The following RAD51B variants were observed in gnomAD, a reference collection of about 807,000 sequenced individuals.
RAD51B encodes the protein RAD51 paralog B, also known as DNA repair protein RAD51 homolog 2.
A neutral mutation model predicts 42.2 loss-of-function variants in RAD51B; 38 were observed. The observed-to-expected ratio is 0.90, with a 90% CI of 0.70 to 1.18. The LOEUF (loss-of-function observed/expected upper bound fraction) is 1.18. RAD51B is among the 50% of genes most tolerant of loss of function. The pLI is 0.00. For synonymous variants in RAD51B, 154 were observed against 145.2 expected (o/e 1.06, Z -0.43); for missense variants, 373 against 400.7 (o/e 0.93, Z 0.59).
At chr14:68,049,370 A>C (rs1025574869) in intron 7 of RAD51B, among the ~76,000 whole-genome samples, 1 of 152,224 alleles carries the variant, frequency 6.6e-6, no homozygotes, top group Admixed American at 6.5e-5. Context: ...ATATATATAC[A>C]TATGTATAAA....
chr14:67,898,967 C>CT (rs568311106), intron 7 of RAD51B, among the ~76,000 whole-genome samples: 1 of 152,014 alleles, frequency 6.6e-6, no homozygotes, highest in South Asian at 2.1e-4. Context: ...TTTCCTACCC[C>CT]TTTTTTGACT....
At chr14:68,186,699 A>G (rs973307898) in intron 7 of RAD51B, among the ~76,000 whole-genome samples, 2 of 152,206 alleles carry the variant, frequency 1.3e-5, no homozygotes, top group Non-Finnish European at 2.9e-5. Context: ...GGCTGCTATT[A>G]AAAAGCCAAA....
intron 7 of RAD51B, among the ~76,000 whole-genome samples, chr14:68,233,502 T>C (rs2080187388): frequency 6.6e-6 from 1 of 152,242 alleles, no homozygotes; most frequent in Admixed American, 6.5e-5. Context: ...TCTTCTGCTT[T>C]ATTCATTCAA....
At chr14:68,548,601 T>C (rs937172592) in intron 10 of RAD51B, among the ~76,000 whole-genome samples, 2 of 152,184 alleles carry the variant, frequency 1.3e-5, no homozygotes, top group African/African-American at 2.4e-5. Context: ...CCTGACTTCT[T>C]GGGGTCTTGG....
At chr14:67,940,054 A>ATATATATTT (rs2045136393) in intron 7 of RAD51B, among the ~76,000 whole-genome samples, 1 of 14,546 alleles carries the variant, frequency 6.9e-5, no homozygotes, top group African/African-American at 2.3e-4. Context: ...ATATATATAT[A>ATATATATTT]TTTTTTTTTT....
rs202147813 is a variant in RAD51B at position 68,602,514 on chromosome 14, ATAGCTAGC to A, written c.1037-8488_1037-8481del. Among the ~76,000 whole-genome samples, 731 of 108,798 alleles carry A rather than the reference ATAGCTAGC, an allele frequency of 6.7e-3. 4 individuals are homozygous for A. Among genetic ancestry groups the A allele is most frequent in the African/African-American group, 0.018 (596 of 32,852 alleles). 71.4% of individuals were successfully genotyped at this position (108,798 alleles called of 152,430 possible). ...GATGGATGGATGGATAGCTAGATAG[ATAGCTAGC>A]TAGATAGATAGATAGATAGATAGAT... is the stretch of plus-strand genomic sequence containing the variant. On this transcript the variant is annotated intron_variant, in intron 10 of 10. Transcript: ENST00000487861.
intron 9 of RAD51B, among the ~76,000 whole-genome samples, chr14:68,461,330 T>TGG (rs2085839192): frequency 1.5e-5 from 1 of 64,550 alleles, no homozygotes; most frequent in Admixed American, 2.0e-4. Flanking sequence ...GCAATATCCA[T>TGG]GCAGGGAAAA....
At chr14:67,831,065 C>CGG (rs1555403494) in intron 3 of RAD51B, among the ~76,000 whole-genome samples, 1 of 151,084 alleles carries the variant, frequency 6.6e-6, no homozygotes, top group Non-Finnish European at 1.5e-5. Flanking sequence ...TTAGTAGAGA[C>CGG]GGTTTCAGCA....
intron 4 of RAD51B, among the ~76,000 whole-genome samples, chr14:67,837,143 GCACA>G (rs1018514123): frequency 6.6e-6 from 1 of 151,274 alleles, no homozygotes; most frequent in Admixed American, 6.6e-5. Context: ...TAATAAAAAT[GCACA>G]CACACACATA....
intron 7 of RAD51B, among the ~76,000 whole-genome samples, chr14:67,911,875 C>T (rs527628898): frequency 6.6e-6 from 1 of 152,194 alleles, no homozygotes; most frequent in East Asian, 1.9e-4. Context: ...GTTCCAGAAC[C>T]ATTACTGTCT....
intron 5 of RAD51B, among the ~76,000 whole-genome samples, chr14:67,877,659 G>A (rs1329413736): frequency 6.6e-6 from 1 of 152,092 alleles, no homozygotes; most frequent in Non-Finnish European, 1.5e-5. Flanking sequence ...CTTTATTGAA[G>A]AGAAATTTAT....
rs1460685569 is a variant in RAD51B, at chr14:68,090,948, G to A, written c.757-200936G>A. The stretch of plus-strand genomic sequence containing the variant: ...TTCCCACCTATGAGTGAGAACATGC[G>A]GTGTTTGGTTTTTTGTCCTTGTGAT... On this transcript the variant is annotated intron_variant, in intron 7 of 10. Transcript: ENST00000471583. 1.0e-4 allele frequency among the ~76,000 whole-genome samples: 15 copies of A among 146,440 alleles called. No homozygotes were observed. In the Admixed American group the frequency reaches 1.1e-3, roughly 10 times the overall value.
downstream of RAD51B, among the ~76,000 whole-genome samples, chr14:68,612,406 CTGCTATCCTTCCTCT>C (rs1391818828): frequency 5.9e-5 from 9 of 152,236 alleles, no homozygotes; most frequent in Non-Finnish European, 1.0e-4. Flanking sequence ...ACTCCAGAAT[CTGCTATCCTTCCTCT>C]TGCTATCCTT....
intron 11 of RAD51B, among the ~76,000 whole-genome samples, chr14:68,666,895 T>C (rs1893042935): frequency 1.3e-5 from 2 of 152,232 alleles, no homozygotes; most frequent in Admixed American, 1.3e-4. Context: ...GATATGGATA[T>C]ACATATGTAG....
intron 7 of RAD51B, among the ~76,000 whole-genome samples, chr14:68,095,844 C>T (rs1472599594): frequency 6.6e-6 from 1 of 151,752 alleles, no homozygotes; most frequent in Non-Finnish European, 1.5e-5. Context: ...GGCGTGGTGG[C>T]GGGCGCCTGG....
chr14:68,129,200 T>G lies in RAD51B; in HGVS notation c.757-162684T>G, dbSNP rs184566025. Among the ~76,000 whole-genome samples the G allele has an allele frequency of 2.0e-4, 31 of 152,306 alleles. No homozygotes were observed. In the South Asian group the frequency reaches 4.6e-3, roughly 22 times the overall value. On this transcript the variant is annotated intron_variant, in intron 7 of 10. Coordinates refer to ENST00000471583, the MANE Select transcript of RAD51B (RefSeq NM_133510.4). ...AGCCTAAACTAGAACCTAGGTCTCTTGGCTGCTTGTTCAAGCCTCTTTCTA... is the reference window on the plus strand; with the variant it reads ...AGCCTAAACTAGAACCTAGGTCTCTGGGCTGCTTGTTCAAGCCTCTTTCTA...
At chr14:68,580,327 C>G (rs2140057396) in intron 10 of RAD51B, among the ~76,000 whole-genome samples, 1 of 150,348 alleles carries the variant, frequency 6.7e-6, no homozygotes, top group East Asian at 1.9e-4. Flanking sequence ...GAGCTTAGCA[C>G]ACAGCAGGTC....
chr14:68,449,681 A>T (rs186464436), intron 9 of RAD51B, among the ~76,000 whole-genome samples: 1 of 152,140 alleles, frequency 6.6e-6, no homozygotes, highest in Non-Finnish European at 1.5e-5. Flanking sequence ...AGGCTCTTGT[A>T]TTGCTAAACC....
chr14:67,861,855 A>G (rs900441147), intron 4 of RAD51B, among the ~76,000 whole-genome samples: 4 of 152,194 alleles, frequency 2.6e-5, no homozygotes, highest in Non-Finnish European at 5.9e-5. Flanking sequence ...TTCTTTTATC[A>G]TGTGATTTTT....
Sources: gnomAD v4.1 joint callset for allele counts (sites outside exome capture counted in the v4.1 genomes callset) on GRCh38, gnomAD v4.1.1 for gene constraint, MANE v1.5 for transcripts, NCBI Gene and HGNC (gene_info 2026-07-23, HGNC 2026-07-21) for gene names.